Variants in SCARA5 observed in about 807,000 individuals in gnomAD.
The protein encoded by SCARA5 is scavenger receptor class A member 5.
SCARA5 carries 45 observed loss-of-function variants against 46.3 expected under a neutral mutation model. The observed-to-expected ratio is 0.97, with a 90% CI of 0.76 to 1.24. The LOEUF (loss-of-function observed/expected upper bound fraction) is 1.24. Ranked by LOEUF, SCARA5 falls within the 50% of genes most tolerant of loss-of-function variation. The probability of loss-of-function intolerance (pLI) is 0.00; values close to 1 mark genes in which losing one functional copy is unlikely to be tolerated. For missense variants in SCARA5, 680 were observed against 689.0 expected (o/e 0.99, Z 0.15); for synonymous variants, 333 against 306.5 (o/e 1.09, Z -0.90).
chr8:27,963,317 T>C lies in SCARA5; in HGVS notation c.241+3097A>G, dbSNP rs76282853. On this transcript the variant is annotated intron_variant, in intron 3 of 8. Coordinates refer to ENST00000354914, the MANE Select transcript of SCARA5 (RefSeq NM_173833.6). ...CGACCAGGCAATCTCAATTCTTTAG[T>C]TCATGAACTTAAACCTGATGGTCTC... is the stretch of plus-strand genomic sequence containing the variant. Among the ~76,000 whole-genome samples, 358 of 152,342 alleles carry C rather than the reference T, an allele frequency of 2.3e-3. 2 individuals carry two copies. Among genetic ancestry groups the C allele is most frequent in the African/African-American group, 8.0e-3 (331 of 41,592 alleles).
chr8:27,966,396 A>AAAATGGCCTGC lies in SCARA5; in HGVS notation c.241+7_241+17dup, dbSNP rs773422307. 4 of 1,587,080 alleles carry AAAATGGCCTGC rather than the reference A, an allele frequency of 2.5e-6. No individual in the cohort carries two copies. In the East Asian group the frequency reaches 9.0e-5, roughly 36 times the overall value. Reference sequence around the variant, plus strand: ...TTCCTCATCCCAAAAGACCAGGACAAAAATGGCCTGCTCTTACCTGCTAAG... The same window carrying AAAATGGCCTGC: ...TTCCTCATCCCAAAAGACCAGGACAAAAATGGCCTGCAAATGGCCTGCTCTTACCTGCTAAG... On this transcript the variant is annotated intron_variant, in intron 3 of 8. Coordinates refer to ENST00000354914, the MANE Select transcript of SCARA5 (RefSeq NM_173833.6).
At chr8:27,947,379 A>T (rs1034162532) in intron 3 of SCARA5, among the ~76,000 whole-genome samples, 6 of 152,226 alleles carry the variant, frequency 3.9e-5, no homozygotes, top group Non-Finnish European at 8.8e-5. Flanking sequence ...TTCTGGGTAC[A>T]AGCCCAAAAG....
rs377433922 is a variant in SCARA5, at chr8:27,983,963, C to G, written c.112+3541G>C. On this transcript the variant is annotated intron_variant, in intron 2 of 8. Transcript: ENST00000354914. Reference sequence around the variant, plus strand: ...TCGCCCTCCATTGAAGGAGGAAGACCTGTAAGGGACTTGGAGCTTGTCCTG... The same window carrying G: ...TCGCCCTCCATTGAAGGAGGAAGACGTGTAAGGGACTTGGAGCTTGTCCTG... 7.9e-5 allele frequency among the ~76,000 whole-genome samples: 12 copies of G among 152,304 alleles called. 1 individual carries two copies. The highest frequency in any genetic ancestry group is 2.9e-4 in the African/African-American group (12 of 41,570).
intron 3 of SCARA5, among the ~76,000 whole-genome samples, chr8:27,961,521 C>T (rs941249695): frequency 2.6e-5 from 4 of 152,118 alleles, no homozygotes; most frequent in African/African-American, 9.7e-5. Flanking sequence ...TTAGGCATTC[C>T]TTTTTAGCAA....
At chr8:27,882,866 C>T (rs1806832579) in intron 7 of SCARA5, among the ~76,000 whole-genome samples, 1 of 152,206 alleles carries the variant, frequency 6.6e-6, no homozygotes, top group Non-Finnish European at 1.5e-5. Flanking sequence ...ATGTGAAGAA[C>T]TCAGAATAGC....
intron 3 of SCARA5, 96 bp from the exon 4 acceptor site, chr8:27,922,341 T>G: frequency 1.3e-6 from 1 of 780,900 alleles, no homozygotes; most frequent in Non-Finnish European, 1.9e-6. Context: ...ATGCAGTAGG[T>G]GCTCAATAAA....
intron 7 of SCARA5, among the ~76,000 whole-genome samples, chr8:27,892,087 G>A (rs1379998157): frequency 2.6e-5 from 4 of 152,214 alleles, no homozygotes; most frequent in African/African-American, 9.7e-5. Context: ...AGATTAGCAG[G>A]GCCACCTCTC....
intron 2 of SCARA5, 59 bp from the exon 3 acceptor site, chr8:27,966,601 T>G: frequency 6.6e-7 from 1 of 1,524,720 alleles, no homozygotes; most frequent in Non-Finnish European, 8.8e-7. Context: ...CCATAAGCTC[T>G]TTTCTTTTTT....
At chr8:27,879,952 A>G (rs969735182) in intron 7 of SCARA5, among the ~76,000 whole-genome samples, 186 bp from the exon 8 acceptor site, 1 of 151,654 alleles carries the variant, frequency 6.6e-6, no homozygotes, top group South Asian at 2.1e-4. Context: ...TCCCCACCTT[A>G]AAAAAATAGC....
chr8:27,880,515 T>C (rs568964449), intron 7 of SCARA5, among the ~76,000 whole-genome samples: 3 of 151,844 alleles, frequency 2.0e-5, no homozygotes, highest in Admixed American at 1.3e-4. Flanking sequence ...AGGAACATAA[T>C]TCAACAAACA....
intron 4 of SCARA5, among the ~76,000 whole-genome samples, chr8:27,911,825 G>A (rs1213398244): frequency 6.6e-6 from 1 of 152,208 alleles, no homozygotes; most frequent in Non-Finnish European, 1.5e-5. Flanking sequence ...TGTCTTTGCA[G>A]ACATAATTAG....
At chr8:27,908,393 G>A (rs1024207872) in intron 5 of SCARA5, among the ~76,000 whole-genome samples, 1 of 152,218 alleles carries the variant, frequency 6.6e-6, no homozygotes, top group Admixed American at 6.5e-5. Flanking sequence ...TTGACCGAGT[G>A]AGAGCCCTGG....
At position 27,943,084 on chromosome 8, in the gene SCARA5, T is replaced by C. The variant is rs1807977827; in HGVS notation, c.242-20839A>G. ...GAAGCCAGTGGTGGGAGAGGTGCAG[T>C]CCTGTGATGCCTTGAAGGAGCCATC... On this transcript the variant is annotated intron_variant, in intron 3 of 8. Transcript: ENST00000354914. Among the ~76,000 whole-genome samples the C allele has an allele frequency of 2.6e-5, 4 of 152,186 alleles. No individual in the cohort carries two copies. The South Asian group carries it at 8.3e-4, about 32-fold the overall frequency.
chr8:27,879,006 C>G (rs1030235332), intron 8 of SCARA5, among the ~76,000 whole-genome samples: 1 of 152,120 alleles, frequency 6.6e-6, no homozygotes, highest in Non-Finnish European at 1.5e-5. Flanking sequence ...ATCGCTTGAG[C>G]CCGAGTGATC....
chr8:27,975,534 G>C (rs1808509727), intron 2 of SCARA5, among the ~76,000 whole-genome samples: 1 of 152,134 alleles, frequency 6.6e-6, no homozygotes, highest in Admixed American at 6.5e-5. Flanking sequence ...CTACCACCAG[G>C]TGCATCGCAT....
Position 27,968,344 on chromosome 8 carries a change from C to T in SCARA5, c.113-1802G>A, listed in dbSNP as rs115280594. On this transcript the variant is annotated intron_variant, in intron 2 of 8. Transcript: ENST00000354914. ...GTCGAGCAAGTTGTCAATGACTATT[C>T]TCACTCATCCTTACATTAGCAAGTT... is the stretch of plus-strand genomic sequence containing the variant. Among the ~76,000 whole-genome samples the T allele has an allele frequency of 8.2e-3, 1,248 of 152,330 alleles. 23 individuals are homozygous for T. The highest frequency in any genetic ancestry group is 0.029 in the African/African-American group (1,196 of 41,570).
chr8:27,904,433 A>G (rs1585476682), intron 7 of SCARA5: 2 of 462,818 alleles, frequency 4.3e-6, no homozygotes, highest in Non-Finnish European at 3.8e-6. Context: ...AATTTTCACA[A>G]TGACCTTATA....
chr8:27,980,388 C>T (rs1338093665), intron 2 of SCARA5, among the ~76,000 whole-genome samples: 2 of 152,166 alleles, frequency 1.3e-5, no homozygotes, highest in Non-Finnish European at 1.5e-5. Context: ...GTCCTCACTG[C>T]GGGCCTCCTT....
At position 27,966,496 on chromosome 8, in the gene SCARA5, C is replaced by A. The variant is rs117581571; in HGVS notation, c.159G>T (p.Gly53=). ...CAGCATGCTTCAGGGCCGACAGGGACCCCAGCTGGGTACAGCAGATGCTTG... is the reference window on the plus strand; with the variant it reads ...CAGCATGCTTCAGGGCCGACAGGGAACCCAGCTGGGTACAGCAGATGCTTG... ...RRASICCTQL[G]SLSALKHAVL... The change falls in exon 3 of 9, where the codon GGG becomes GGT. Residue 53 remains glycine (G), a synonymous_variant. Coordinates refer to ENST00000354914, the MANE Select transcript of SCARA5 (RefSeq NM_173833.6). 1.3e-5 allele frequency: 21 copies of A among 1,613,754 alleles called. No homozygotes were observed. The highest frequency in any genetic ancestry group is 1.7e-5 in the Non-Finnish European group (20 of 1,179,882).
Sources: gnomAD v4.1 joint callset for allele counts (sites outside exome capture counted in the v4.1 genomes callset) on GRCh38, gnomAD v4.1.1 for gene constraint, MANE v1.5 for transcripts, NCBI Gene and HGNC (gene_info 2026-07-23, HGNC 2026-07-21) for gene names.